The following ZNG1A variants were observed in gnomAD, a reference collection of about 807,000 sequenced individuals.
ZNG1A encodes the protein zinc-regulated GTPase metalloprotein activator 1A.
At chr9:178,970 T>A in the ZNG1A span, 1 of 1,098,688 alleles carries the variant, frequency 9.1e-7, no homozygotes, top group South Asian at 1.4e-5. Flanking sequence ...CCGGTAACAT[T>A]CCGGCCTACA....
At chr9:171,840 T>C in the ZNG1A span, 1 of 543,804 alleles carries the variant, frequency 1.8e-6, no homozygotes, top group Non-Finnish European at 3.3e-6. Flanking sequence ...CAAATAATCC[T>C]AAGTCAATCA....
the ZNG1A span, among the ~76,000 whole-genome samples, chr9:170,276 T>C: frequency 6.6e-6 from 1 of 151,574 alleles, no homozygotes; most frequent in Non-Finnish European, 1.5e-5. Context: ...GAGGCTGCCA[T>C]TCAACATACT....
At chr9:125,918 G>A in the ZNG1A span, among the ~76,000 whole-genome samples, 3 of 52,248 alleles carry the variant, frequency 5.7e-5, 1 homozygote, top group Non-Finnish European at 1.1e-4. Context: ...TTTTATAACC[G>A]TACCATGCTG....
At chr9:138,898 C>T in the ZNG1A span, among the ~76,000 whole-genome samples, 3 of 148,964 alleles carry the variant, frequency 2.0e-5, no homozygotes, top group Non-Finnish European at 4.4e-5. Context: ...AGAACCCCAT[C>T]TCAAAAAAAT....
chr9:139,782 T>C, the ZNG1A span, among the ~76,000 whole-genome samples: 1 of 151,300 alleles, frequency 6.6e-6, no homozygotes, highest in Middle Eastern at 3.2e-3. Flanking sequence ...TGCCAGACAG[T>C]GGGCGCAGGT....
At chr9:147,550 T>C in the ZNG1A span, 1 of 136,708 alleles carries the variant, frequency 7.3e-6, no homozygotes, top group Non-Finnish European at 1.5e-5. Context: ...TCCAAAGTTC[T>C]ATGTTAGTAG....
the ZNG1A span, among the ~76,000 whole-genome samples, chr9:135,310 A>C: frequency 3.4e-5 from 5 of 146,084 alleles, no homozygotes; most frequent in Non-Finnish European, 6.0e-5. Context: ...TGTATGGTTA[A>C]ATATGTCAGT....
chr9:140,394 C>G, the ZNG1A span, among the ~76,000 whole-genome samples: 1 of 151,308 alleles, frequency 6.6e-6, no homozygotes, highest in East Asian at 1.9e-4. Flanking sequence ...CACCCCCTAG[C>G]AGAGGCAGGC....
At chr9:172,418 G>A in the ZNG1A span, 1 of 390,598 alleles carries the variant, frequency 2.6e-6, no homozygotes, top group African/African-American at 2.1e-5. Context: ...ATTAAAAGCA[G>A]AGGAAACTTT....
chr9:149,308 C>T, the ZNG1A span: 7 of 150,920 alleles, frequency 4.6e-5, no homozygotes, highest in African/African-American at 7.4e-5. Context: ...GGTAAGTTCT[C>T]TATCTCTTCA....
the ZNG1A span, among the ~76,000 whole-genome samples, chr9:139,507 C>T: frequency 6.6e-6 from 1 of 151,480 alleles, no homozygotes; most frequent in African/African-American, 2.4e-5. Context: ...GAGGGTAGAT[C>T]TCATGTTAGA....
the ZNG1A span, among the ~76,000 whole-genome samples, chr9:138,893 C>A: frequency 6.7e-6 from 1 of 149,192 alleles, no homozygotes. Flanking sequence ...GACAGAGAAC[C>A]CCATCTCAAA....
chr9:176,937 A>AC, the ZNG1A span, among the ~76,000 whole-genome samples: 3 of 152,118 alleles, frequency 2.0e-5, no homozygotes, highest in Non-Finnish European at 4.4e-5. Context: ...TGAACAAGAT[A>AC]GTCTCTGCCT....
At chr9:154,103 G>A in the ZNG1A span, 1 of 152,560 alleles carries the variant, frequency 6.6e-6, no homozygotes, top group Non-Finnish European at 1.5e-5. Context: ...TGTCCTGATT[G>A]TCCTATGCTG....
At chr9:138,590 A>C in the ZNG1A span, among the ~76,000 whole-genome samples, 1 of 148,302 alleles carries the variant, frequency 6.7e-6, no homozygotes, top group South Asian at 2.2e-4. Context: ...GGGCATGGCT[A>C]AGGCAAAATT....
the ZNG1A span, among the ~76,000 whole-genome samples, chr9:160,421 T>C: frequency 6.6e-6 from 1 of 152,110 alleles, no homozygotes; most frequent in Non-Finnish European, 1.5e-5. Flanking sequence ...GTTGGAAAAT[T>C]CTTTATATCA....
At chr9:140,361 C>G in the ZNG1A span, among the ~76,000 whole-genome samples, 1 of 151,060 alleles carries the variant, frequency 6.6e-6, no homozygotes, top group Non-Finnish European at 1.5e-5. Context: ...GACCCCTGAC[C>G]CCCGAGCAGC....
At chr9:166,442 T>G in the ZNG1A span, 2 of 152,040 alleles carry the variant, frequency 1.3e-5, no homozygotes, top group East Asian at 1.9e-4. Context: ...GAAACATGTA[T>G]GCATATGTAT....
the ZNG1A span, among the ~76,000 whole-genome samples, chr9:136,146 A>G: frequency 2.6e-4 from 20 of 78,316 alleles, 1 homozygote; most frequent in African/African-American, 7.6e-4. Flanking sequence ...TTTAGTTCCC[A>G]CAAGTCTCAG....
Sources: gnomAD v4.1 joint callset for allele counts (sites outside exome capture counted in the v4.1 genomes callset) on GRCh38, gnomAD v4.1.1 for gene constraint, MANE v1.5 for transcripts, NCBI Gene and HGNC (gene_info 2026-07-23, HGNC 2026-07-21) for gene names.